ADGRA1: variants seen among roughly 807,000 people sequenced by gnomAD.
The protein encoded by ADGRA1 is G-protein coupled receptor 123.
A neutral mutation model predicts 21.3 loss-of-function variants in ADGRA1; 12 were observed. The observed-to-expected ratio is 0.56, with a 90% CI of 0.36 to 0.91. The LOEUF (loss-of-function observed/expected upper bound fraction) is 0.91. Ranked by LOEUF, ADGRA1 falls within the 40% of genes least tolerant of loss-of-function variation. The pLI, the probability that ADGRA1 is intolerant of heterozygous loss-of-function variation, is 0.01. For synonymous variants in ADGRA1, 385 were observed against 368.8 expected (o/e 1.04, Z -0.50); for missense variants, 790 against 805.6 (o/e 0.98, Z 0.23).
intron 5 of ADGRA1, among the ~76,000 whole-genome samples, chr10:133,112,942 GCGGGC>G (rs1852084851): frequency 6.8e-6 from 1 of 146,650 alleles, no homozygotes; most frequent in Admixed American, 6.8e-5. Flanking sequence ...TTTGAGGTCT[GCGGGC>G]TGTGTCGGTT....
intron 5 of ADGRA1, among the ~76,000 whole-genome samples, chr10:133,106,758 A>G (rs1228688975): frequency 6.6e-6 from 1 of 152,238 alleles, no homozygotes; most frequent in Non-Finnish European, 1.5e-5. Flanking sequence ...TCCTGGGGGA[A>G]GGCCATCGAG....
chr10:133,094,671 C>G (rs1851658252), intron 2 of ADGRA1, among the ~76,000 whole-genome samples: 1 of 152,188 alleles, frequency 6.6e-6, no homozygotes, highest in Non-Finnish European at 1.5e-5. Flanking sequence ...ACCCCACTCT[C>G]TTGGCTTCTC....
At position 133,088,067 on chromosome 10, in the gene ADGRA1, C is replaced by CG. The variant is rs996485043; in HGVS notation, c.-268dup. On this transcript the variant is annotated 5_prime_UTR_variant, in exon 1 of 7. An upstream open reading frame in the 5' UTR loses its in-frame stop. Coordinates refer to ENST00000392607, the MANE Select transcript of ADGRA1 (RefSeq NM_001083909.3). Reference sequence around the variant, plus strand: ...TCGCGAATGGAGAGCGGGTCCCCGGCGGGGGGAGCGCAGCGCGTCTGTCTC... The same window carrying CG: ...TCGCGAATGGAGAGCGGGTCCCCGGCGGGGGGGAGCGCAGCGCGTCTGTCTC... The CG allele has an allele frequency of 3.0e-6, 3 of 985,006 alleles. No homozygotes were observed. The highest frequency in any genetic ancestry group is 6.2e-5 in the Admixed American group (1 of 16,234). The allele number at this position is 985,006 out of a possible 1,614,324, so 61.0% of individuals were successfully genotyped here. A position where few individuals can be genotyped will look rare whatever the true frequency, so the allele number is the denominator to read the frequency against.
chr10:133,111,343 A>C (rs1354186610), intron 5 of ADGRA1, among the ~76,000 whole-genome samples: 1 of 95,846 alleles, frequency 1.0e-5, no homozygotes, highest in Non-Finnish European at 2.0e-5. Flanking sequence ...CCTGCCCACC[A>C]CAGGCACCTC....
intron 5 of ADGRA1, among the ~76,000 whole-genome samples, chr10:133,122,664 G>A (rs760527913): frequency 1.1e-4 from 17 of 152,210 alleles, no homozygotes; most frequent in Non-Finnish European, 1.9e-4. Context: ...TGTCTTGGCC[G>A]GACACACCAG....
At chr10:133,088,659 C>T in intron 1 of ADGRA1, 49 bp from the exon 2 acceptor site, 1 of 1,170,624 alleles carries the variant, frequency 8.5e-7, no homozygotes, top group Non-Finnish European at 1.1e-6. Context: ...GCGAGCTGCC[C>T]TCCGCGGGGA....
At chr10:133,106,869 CT>C (rs770783593) in intron 5 of ADGRA1, among the ~76,000 whole-genome samples, 19 of 152,372 alleles carry the variant, frequency 1.2e-4, no homozygotes, top group Admixed American at 2.6e-4. Flanking sequence ...CAGTGTTTAT[CT>C]GGGGCCACGC....
chr10:133,127,074 G>A (rs1346910015), intron 5 of ADGRA1, among the ~76,000 whole-genome samples, 159 bp from the exon 6 acceptor site: 1 of 141,976 alleles, frequency 7.0e-6, no homozygotes, highest in African/African-American at 2.5e-5. Context: ...CTCGGTCAGT[G>A]GTCGGGGGTC....
chr10:133,111,932 TGAGC>T (rs1852029890), intron 5 of ADGRA1, among the ~76,000 whole-genome samples: 2 of 12,220 alleles, frequency 1.6e-4, no homozygotes, highest in Non-Finnish European at 3.1e-4. Context: ...CTGCCCGCCG[TGAGC>T]ACCTCCCTCC....
chr10:133,124,969 G>A (rs1022529252), intron 5 of ADGRA1, among the ~76,000 whole-genome samples: 14 of 152,194 alleles, frequency 9.2e-5, no homozygotes, highest in East Asian at 3.9e-4. Context: ...GTGGTGCGCC[G>A]TGGGTCCGTC....
chr10:133,123,033 C>G (rs192721592), intron 5 of ADGRA1, among the ~76,000 whole-genome samples: 2 of 152,186 alleles, frequency 1.3e-5, no homozygotes, highest in South Asian at 2.1e-4. Context: ...CCGCTTCTGG[C>G]GAGACCACGG....
chr10:133,121,937 GTGTGTGAGTGTGCT>G (rs999384921), intron 5 of ADGRA1, among the ~76,000 whole-genome samples: 1 of 151,224 alleles, frequency 6.6e-6, no homozygotes, highest in Admixed American at 6.6e-5. Context: ...GTGCCAGTGT[GTGTGTGAGTGTGCT>G]TGTGTGAGTG....
chr10:133,095,040 C>G (rs1172683476), intron 2 of ADGRA1, among the ~76,000 whole-genome samples: 2 of 152,182 alleles, frequency 1.3e-5, no homozygotes, highest in Admixed American at 6.5e-5. Context: ...CGCCAGAGCC[C>G]CCATGCATCG....
chr10:133,124,465 C>T (rs188981258), intron 5 of ADGRA1, among the ~76,000 whole-genome samples: 17 of 152,316 alleles, frequency 1.1e-4, no homozygotes, highest in Non-Finnish European at 2.2e-4. Flanking sequence ...GCCTGACTCG[C>T]GGAAATCACG....
chr10:133,093,513 CAGATGGG>C (rs1851638781), intron 2 of ADGRA1, among the ~76,000 whole-genome samples: 3 of 152,208 alleles, frequency 2.0e-5, no homozygotes, highest in Admixed American at 2.0e-4. Flanking sequence ...CCGAGGCCGG[CAGATGGG>C]AGATGGATGC....
chr10:133,096,964 T>A lies in ADGRA1; in HGVS notation c.4-10T>A. ...GCCAGTCACACACGTCTCCTTTGCT[T>A]TATCCTCAGGATCTGAAGACAGTGC... On this transcript the variant is annotated splice_polypyrimidine_tract_variant and intron_variant, in intron 2 of 6. Transcript: ENST00000392607. 1 of 1,608,278 alleles carries A rather than the reference T, an allele frequency of 6.2e-7. No homozygotes were observed. Among genetic ancestry groups the A allele is most frequent in the Non-Finnish European group, 8.5e-7 (1 of 1,175,390 alleles).
chr10:133,128,780 T>C lies in ADGRA1; in HGVS notation c.952T>C (p.Trp318Arg), dbSNP rs768826658. The C allele has an allele frequency of 1.2e-6, 2 of 1,610,644 alleles. No individual in the cohort carries two copies. The highest frequency in any genetic ancestry group is 2.2e-5 in the South Asian group (2 of 90,944). Reference sequence around the variant, plus strand: ...GCGTGAGGACGTGTGGCAGTGCTGGTGGGCATGCTGCCCGCCCCGCAAGGA... The same window carrying C: ...GCGTGAGGACGTGTGGCAGTGCTGGCGGGCATGCTGCCCGCCCCGCAAGGA... ...AKREDVWQCW[W>R]ACCPPRKDAH... is the part of the protein sequence containing the mutation. The change falls in exon 7 of 7, where the codon TGG becomes CGG. Residue 318 changes from tryptophan (W) to arginine (R), a missense_variant. By Grantham distance (101) the Trp-to-Arg change is moderately radical. Around this residue, in one of 3 missense-constraint regions of ADGRA1, gnomAD observed 17 missense variants for 38.5 expected, o/e 0.44. Transcript: ENST00000392607.
At chr10:133,098,994 A>G (rs1209104831) in intron 4 of ADGRA1, among the ~76,000 whole-genome samples, 1 of 152,104 alleles carries the variant, frequency 6.6e-6, no homozygotes, top group Non-Finnish European at 1.5e-5. Context: ...CCTGACACTT[A>G]CTGTCCCCAA....
chr10:133,093,368 C>T lies in ADGRA1; in HGVS notation c.4-3606C>T, dbSNP rs1032004514. On this transcript the variant is annotated intron_variant, in intron 2 of 6. Coordinates refer to ENST00000392607, the MANE Select transcript of ADGRA1 (RefSeq NM_001083909.3). ...CCTGACCCACTTGATTTGCAGAACACACCAAAGAGGAGACCTCCAATTAAA... is the reference window on the plus strand; with the variant it reads ...CCTGACCCACTTGATTTGCAGAACATACCAAAGAGGAGACCTCCAATTAAA... 6 of 1,324,920 alleles carry T rather than the reference C, an allele frequency of 4.5e-6. No individual in the cohort carries two copies. The Admixed American group carries it at 9.1e-5, about 20-fold the overall frequency. 82.1% of individuals were successfully genotyped at this position (1,324,920 alleles called of 1,614,324 possible).
Sources: allele counts gnomAD v4.1 joint callset (sites outside exome capture counted in the v4.1 genomes callset), GRCh38; gene constraint gnomAD v4.1.1; regional missense constraint gnomAD v4.1.1; transcripts MANE v1.5; gene names NCBI Gene and HGNC (gene_info 2026-07-23, HGNC 2026-07-21).